ANO6: variants seen among roughly 807,000 people sequenced by gnomAD.
ANO6 encodes anoctamin 6, also known as anoctamin-6.
Under a neutral mutation model 117.5 loss-of-function variants are expected in ANO6, and 106 were observed. The observed-to-expected ratio is 0.90, with a 90% CI of 0.77 to 1.06. The LOEUF is 1.06. Ranked by LOEUF, ANO6 falls within the 50% of genes least tolerant of loss-of-function variation. ANO6 has a pLI of 0.00. For missense variants in ANO6, 955 were observed against 1,121.1 expected, an observed-to-expected ratio of 0.85 and a Z score of 2.12; for synonymous variants, 367 against 385.1, an observed-to-expected ratio of 0.95 and a Z score of 0.55.
chr12:45,326,951 C>T (rs2137386749), intron 2 of ANO6, among the ~76,000 whole-genome samples: 1 of 152,244 alleles, frequency 6.6e-6, no homozygotes, highest in East Asian at 1.9e-4. Context: ...ATATTTGGTG[C>T]CCTCCCCCAC....
intron 2 of ANO6, among the ~76,000 whole-genome samples, chr12:45,330,109 A>G (rs1160392105): frequency 6.6e-6 from 1 of 152,150 alleles, no homozygotes; most frequent in Non-Finnish European, 1.5e-5. Flanking sequence ...AGGTGCATTG[A>G]GATGGGTTAC....
intron 1 of ANO6, chr12:45,292,766 T>G: frequency 1.4e-6 from 2 of 1,437,836 alleles, no homozygotes; most frequent in Admixed American, 2.6e-5. Context: ...TGTTACAAGG[T>G]GGAGAAATTG....
In ANO6 at chr12:45,390,319, AT is replaced by A; in HGVS notation, c.1309-96del. ...GTAAGGAGACTATGCTTGCAAACTA[AT>A]TTTTTAAAATTAATTCTAAGATTTA... On this transcript the variant is annotated intron_variant, in intron 11 of 19. Transcript: ENST00000320560. The A allele has an allele frequency of 2.8e-5, 29 of 1,028,738 alleles. 2 individuals carry two copies. The South Asian group carries it at 3.6e-4, about 13-fold the overall frequency. 63.7% of individuals were successfully genotyped at this position (1,028,738 alleles called of 1,614,324 possible).
intron 3 of ANO6, among the ~76,000 whole-genome samples, chr12:45,332,651 G>A (rs570265065): frequency 5.9e-5 from 9 of 151,994 alleles, no homozygotes; most frequent in South Asian, 2.1e-4. Flanking sequence ...TATTGTTCAC[G>A]TCAAGGTCAA....
chr12:45,228,640 A>G (rs1436889846), intron 1 of ANO6, among the ~76,000 whole-genome samples: 1 of 152,098 alleles, frequency 6.6e-6, no homozygotes, highest in Admixed American at 6.5e-5. Flanking sequence ...TTAGGACTGG[A>G]GACATGGAAA....
chr12:45,229,835 C>T (rs150669967), intron 1 of ANO6, among the ~76,000 whole-genome samples: 523 of 152,186 alleles, frequency 3.4e-3, no homozygotes, highest in Middle Eastern at 0.024. Context: ...CATTCATCAG[C>T]CATGTGACCC....
At position 45,245,945 on chromosome 12, in the gene ANO6, C is replaced by CAAA. The variant is rs560906864; in HGVS notation, c.70+29567_70+29569dup. ...CCACATGTTAGATTGACATTTTAGT[C>CAAA]AAAAAAAAAAAAAAACCCAAGAACA... On this transcript the variant is annotated intron_variant, in intron 1 of 19. Transcript: ENST00000320560. Among the ~76,000 whole-genome samples, 141 of 100,782 alleles carry CAAA rather than the reference C, an allele frequency of 1.4e-3. 2 individuals carry two copies. Among genetic ancestry groups the CAAA allele is most frequent in the Admixed American group, 4.8e-3 (45 of 9,370 alleles). 66.1% of individuals were successfully genotyped at this position (100,782 alleles called of 152,430 possible).
chr12:45,378,930 C>T (rs1239781263), intron 10 of ANO6, among the ~76,000 whole-genome samples: 1 of 152,168 alleles, frequency 6.6e-6, no homozygotes, highest in Non-Finnish European at 1.5e-5. Flanking sequence ...GGATCTAATT[C>T]CCATATGGGA....
chr12:45,402,006 T>C lies in ANO6; in HGVS notation c.1598T>C (p.Met533Thr), dbSNP rs780813846. The change falls in exon 13 of 20, where the codon ATG (methionine) becomes ACG (threonine). Residue 533 changes from methionine (M) to threonine (T), a missense_variant. Transcript: ENST00000320560. Reference protein sequence around the residue: ...LNTIYEKVAIMITNFELPRTQ... With the variant: ...LNTIYEKVAITITNFELPRTQ... ...ACCATATATGAAAAAGTGGCAATTA[T>C]GATTACTAACTTCGGTAAGGTCCTA... 3 of 1,613,774 alleles carry C rather than the reference T, an allele frequency of 1.9e-6. No individual in the cohort carries two copies. Among genetic ancestry groups the C allele is most frequent in the Non-Finnish European group, 1.7e-6 (2 of 1,179,806 alleles).
At chr12:45,266,805 A>AGTGTGTGTGTGTGTGTGTGTGTGT in intron 1 of ANO6, among the ~76,000 whole-genome samples, 1 of 145,766 alleles carries the variant, frequency 6.9e-6, no homozygotes, top group African/African-American at 2.6e-5. Context: ...TCAAAAAACA[A>AGTGTGTGTGTGTGTGTGTGTGTGT]GTGTGTGTGT....
chr12:45,384,593 G>C (rs1942248242), intron 10 of ANO6, among the ~76,000 whole-genome samples: 1 of 152,200 alleles, frequency 6.6e-6, no homozygotes, highest in African/African-American at 2.4e-5. Flanking sequence ...AAGAGAGGCA[G>C]AGAGATGGGG....
intron 1 of ANO6, among the ~76,000 whole-genome samples, chr12:45,219,187 C>CA (rs1004663091): frequency 6.0e-5 from 9 of 151,222 alleles, no homozygotes; most frequent in South Asian, 4.2e-4. Context: ...CCCCTCCCCC[C>CA]AAAAAAAAAC....
At chr12:45,362,941 C>T (rs562277212) in intron 8 of ANO6, among the ~76,000 whole-genome samples, 5 of 151,972 alleles carry the variant, frequency 3.3e-5, no homozygotes, top group Non-Finnish European at 7.4e-5. Context: ...TAGAGACATA[C>T]AAAAATATAC....
At chr12:45,344,451 A>G (rs1941070684) in intron 3 of ANO6, among the ~76,000 whole-genome samples, 2 of 152,328 alleles carry the variant, frequency 1.3e-5, no homozygotes, top group East Asian at 1.9e-4. Context: ...ACTTCCAATC[A>G]TGGCAGAGGA....
intron 15 of ANO6, among the ~76,000 whole-genome samples, chr12:45,404,236 C>T (rs1942874565): frequency 6.6e-6 from 1 of 152,056 alleles, no homozygotes; most frequent in African/African-American, 2.4e-5. Flanking sequence ...CTGTTGTTTT[C>T]CTAAAAAATG....
chr12:45,346,373 T>G (rs1366386817), intron 3 of ANO6, among the ~76,000 whole-genome samples: 2 of 152,192 alleles, frequency 1.3e-5, no homozygotes, highest in African/African-American at 4.8e-5. Context: ...TTAATATCCA[T>G]AAGTGTAGTA....
At chr12:45,301,209 T>G (rs144478468) in intron 1 of ANO6, among the ~76,000 whole-genome samples, 14 of 147,522 alleles carry the variant, frequency 9.5e-5, no homozygotes, top group Admixed American at 8.4e-4. Context: ...GTTAAATAAA[T>G]TATGTTATTA....
chr12:45,403,424 T>A lies in ANO6; in HGVS notation c.1783-15T>A. 2 of 1,602,298 alleles carry A rather than the reference T, an allele frequency of 1.2e-6. No individual in the cohort carries two copies. The highest frequency in any genetic ancestry group is 1.7e-6 in the Non-Finnish European group (2 of 1,169,350). On this transcript the variant is annotated splice_polypyrimidine_tract_variant and intron_variant, in intron 14 of 19. Transcript: ENST00000320560. ...CATTGAATATTTAAATGGTATTTTCTTTTTAACCTTCTAGTGTGACCCAGG... is the reference window on the plus strand; with the variant it reads ...CATTGAATATTTAAATGGTATTTTCATTTTAACCTTCTAGTGTGACCCAGG...
At chr12:45,350,556 C>A in intron 6 of ANO6, 103 bp from the exon 7 acceptor site, 1 of 894,882 alleles carries the variant, frequency 1.1e-6, no homozygotes, top group East Asian at 2.6e-5. Flanking sequence ...AGGTGAGGAC[C>A]CCTTGTTCAC....
Sources: gnomAD v4.1 joint callset for allele counts (sites outside exome capture counted in the v4.1 genomes callset) on GRCh38, gnomAD v4.1.1 for gene constraint, MANE v1.5 for transcripts, NCBI Gene and HGNC (gene_info 2026-07-23, HGNC 2026-07-21) for gene names.